KCNB2: variants seen among roughly 807,000 people sequenced by gnomAD.
KCNB2 encodes the protein delayed rectifier potassium channel protein.
KCNB2 carries 15 observed loss-of-function variants against 61.5 expected under a neutral mutation model. That is an observed-to-expected ratio of 0.24 (90% CI 0.16 to 0.38). KCNB2 has a LOEUF of 0.38. Ranked by LOEUF, KCNB2 falls within the 10% of genes least tolerant of loss-of-function variation. KCNB2 has a pLI of 1.00. For missense variants in KCNB2, 828 were observed against 1,125.2 expected (o/e 0.74, Z 3.78); for synonymous variants, 457 against 446.0 (o/e 1.02, Z -0.31).
intron 2 of KCNB2, among the ~76,000 whole-genome samples, chr8:72,897,732 T>G (rs1806016080): frequency 6.6e-6 from 1 of 152,174 alleles, no homozygotes; most frequent in African/African-American, 2.4e-5. Flanking sequence ...GATCATACCT[T>G]TGAAAGCACT....
At chr8:72,757,582 G>A in intron 2 of KCNB2, among the ~76,000 whole-genome samples, 1 of 152,100 alleles carries the variant, frequency 6.6e-6, no homozygotes, top group South Asian at 2.1e-4. Context: ...GGGAGGGATA[G>A]GTATTTAGAG....
At chr8:72,544,072 G>A (rs57279261) in intron 1 of KCNB2, among the ~76,000 whole-genome samples, 3 of 152,126 alleles carry the variant, frequency 2.0e-5, no homozygotes, top group Non-Finnish European at 4.4e-5. Flanking sequence ...CATTTTCTAC[G>A]TGGGATAGTC....
At position 72,920,469 on chromosome 8, in the gene KCNB2, C is replaced by CTATATATA. The variant is rs1168802571; in HGVS notation, c.580-15463_580-15462insATATATAT. Reference sequence around the variant, plus strand: ...TCTATCTATCTATCTATCTATCTATCTATCTATATATATATATATTAGCTG... The same window carrying CTATATATA: ...TCTATCTATCTATCTATCTATCTATCTATATATATATCTATATATATATATATTAGCTG... On this transcript the variant is annotated intron_variant, in intron 2 of 2. Coordinates refer to ENST00000523207, the MANE Select transcript of KCNB2 (RefSeq NM_004770.3). Among the ~76,000 whole-genome samples the CTATATATA allele has an allele frequency of 8.4e-5, 6 of 71,276 alleles. 1 individual carries two copies. The highest frequency in any genetic ancestry group is 3.2e-4 in the African/African-American group (6 of 18,572). The allele number at this position is 71,276 out of a possible 152,430, so 46.8% of individuals were successfully genotyped here.
At chr8:72,913,924 T>C (rs1806345696) in intron 2 of KCNB2, among the ~76,000 whole-genome samples, 1 of 152,254 alleles carries the variant, frequency 6.6e-6, no homozygotes, top group Non-Finnish European at 1.5e-5. Flanking sequence ...TCCTAAGTTT[T>C]GACTAGGAGA....
At chr8:72,897,513 T>C (rs1219630581) in intron 2 of KCNB2, among the ~76,000 whole-genome samples, 1 of 152,180 alleles carries the variant, frequency 6.6e-6, no homozygotes, top group Non-Finnish European at 1.5e-5. Context: ...ATCTGTGTAA[T>C]CATAGATCAA....
chr8:72,569,303 T>C (rs1040715327), intron 2 of KCNB2, among the ~76,000 whole-genome samples: 10 of 152,222 alleles, frequency 6.6e-5, no homozygotes, highest in Non-Finnish European at 1.3e-4. Context: ...TTTGATTTAC[T>C]GTTTTTTTCT....
chr8:72,538,881 T>C (rs1806152377), intron 1 of KCNB2, among the ~76,000 whole-genome samples: 1 of 152,206 alleles, frequency 6.6e-6, no homozygotes, highest in South Asian at 2.1e-4. Flanking sequence ...TCTCTTGGTT[T>C]ATTTACCAAT....
At chr8:72,556,590 GA>G (rs894131052) in intron 1 of KCNB2, among the ~76,000 whole-genome samples, 20 of 151,952 alleles carry the variant, frequency 1.3e-4, no homozygotes, top group Non-Finnish European at 2.1e-4. Flanking sequence ...ATAATGAATA[GA>G]AAAAAATCAA....
At chr8:72,772,710 A>G (rs1199979900) in intron 2 of KCNB2, among the ~76,000 whole-genome samples, 1 of 152,200 alleles carries the variant, frequency 6.6e-6, no homozygotes, top group African/African-American at 2.4e-5. Flanking sequence ...TCCCTGAAAC[A>G]GTTATATACC....
At chr8:72,561,715 A>C (rs1482414608) in intron 1 of KCNB2, among the ~76,000 whole-genome samples, 1 of 24,526 alleles carries the variant, frequency 4.1e-5, no homozygotes, top group South Asian at 1.0e-3. Context: ...ATATATATAT[A>C]TATATATATA....
At chr8:72,764,126 G>T (rs1563583742) in intron 2 of KCNB2, among the ~76,000 whole-genome samples, 1 of 152,280 alleles carries the variant, frequency 6.6e-6, no homozygotes, top group African/African-American at 2.4e-5. Flanking sequence ...GGAGGACTCA[G>T]CTAGATGCCA....
chr8:72,772,239 C>A (rs753395620), intron 2 of KCNB2, among the ~76,000 whole-genome samples: 1 of 152,126 alleles, frequency 6.6e-6, no homozygotes, highest in South Asian at 2.1e-4. Context: ...TACCCACAGG[C>A]GTGAGTTAAG....
At position 72,888,335 on chromosome 8, in the gene KCNB2, T is replaced by A. The variant is rs144180668; in HGVS notation, c.580-47600T>A. On this transcript the variant is annotated intron_variant, in intron 2 of 2. Coordinates refer to ENST00000523207, the MANE Select transcript of KCNB2 (RefSeq NM_004770.3). ...CATGTTGCTCAGGCTGGTCTCGAAC[T>A]CCTGGGCTCAAGAGATCCACCCACC... Among the ~76,000 whole-genome samples the A allele has an allele frequency of 1.7e-4, 26 of 152,222 alleles. No homozygotes were observed. The East Asian group carries it at 4.8e-3, about 28-fold the overall frequency.
chr8:72,539,896 A>C (rs1806165725), intron 1 of KCNB2, among the ~76,000 whole-genome samples: 1 of 152,126 alleles, frequency 6.6e-6, no homozygotes, highest in South Asian at 2.1e-4. Flanking sequence ...CAATAGGGCA[A>C]CTTCCTGCCT....
intron 2 of KCNB2, among the ~76,000 whole-genome samples, chr8:72,694,383 C>T (rs910207714): frequency 5.3e-5 from 8 of 152,104 alleles, no homozygotes; most frequent in African/African-American, 1.9e-4. Context: ...GTTTATATAC[C>T]GTGTGCATTT....
chr8:72,715,238 A>C (rs1380486479), intron 2 of KCNB2, among the ~76,000 whole-genome samples: 1 of 152,240 alleles, frequency 6.6e-6, no homozygotes, highest in Non-Finnish European at 1.5e-5. Flanking sequence ...CACTGTCAAC[A>C]TTACACAGAT....
At chr8:72,831,395 A>C (rs4419850) in intron 2 of KCNB2, among the ~76,000 whole-genome samples, 78,278 of 152,066 alleles carry the variant, frequency 0.51, 20,743 homozygotes, top group Non-Finnish European at 0.58. Context: ...AAAATCACCA[A>C]CAAACCAGAT....
chr8:72,907,846 T>G (rs1487885403), intron 2 of KCNB2, among the ~76,000 whole-genome samples: 2 of 152,172 alleles, frequency 1.3e-5, no homozygotes, highest in Admixed American at 6.5e-5. Context: ...ATACCCTAAG[T>G]GTTATATAAT....
At position 72,665,149 on chromosome 8, in the gene KCNB2, A is replaced by G. The variant is rs150613145; in HGVS notation, c.579+96836A>G. Among the ~76,000 whole-genome samples the G allele has an allele frequency of 4.3e-4, 65 of 152,332 alleles. 1 individual carries two copies. In the Middle Eastern group the frequency reaches 0.014, roughly 32 times the overall value. On this transcript the variant is annotated intron_variant, in intron 2 of 2. Coordinates refer to ENST00000523207, the MANE Select transcript of KCNB2 (RefSeq NM_004770.3). ...GCCATAATCTCACTTGCTTTTGCAT[A>G]TGACCGCTTGAGGTGCTGCACTAAT...
Sources: gnomAD v4.1 joint callset for allele counts (sites outside exome capture counted in the v4.1 genomes callset) on GRCh38, gnomAD v4.1.1 for gene constraint, MANE v1.5 for transcripts, NCBI Gene and HGNC (gene_info 2026-07-23, HGNC 2026-07-21) for gene names.